UBE2O: variants seen among roughly 807,000 people sequenced by gnomAD.
UBE2O encodes ubiquitin conjugating enzyme E2 O.
Under a neutral mutation model 125.8 loss-of-function variants are expected in UBE2O, and 15 were observed. The observed-to-expected ratio is 0.12, with a 90% CI of 0.08 to 0.18. The LOEUF (loss-of-function observed/expected upper bound fraction) is 0.18. UBE2O is among the 10% of genes least tolerant of loss of function. UBE2O has a pLI of 1.00. For synonymous variants in UBE2O, 708 were observed against 703.2 expected, an observed-to-expected ratio of 1.01 and a Z score of -0.11; for missense variants, 1,280 against 1,723.6, an observed-to-expected ratio of 0.74 and a Z score of 4.56.
chr17:76,399,523 C>G lies in UBE2O; in HGVS notation c.1554G>C (p.Leu518Phe). The G allele has an allele frequency of 1.9e-5, 30 of 1,614,176 alleles. No individual in the cohort carries two copies. Among genetic ancestry groups the G allele is most frequent in the Non-Finnish European group, 2.5e-5 (30 of 1,180,046 alleles). ...SGTSRKKSIP[L>F]SIKNLKRKHK... ...GTTTGCGCTTTAAGTTCTTGATGGACAAGGGGATGCTCTTTTTGCGACTCG... is the reference window on the plus strand; with the variant it reads ...GTTTGCGCTTTAAGTTCTTGATGGAGAAGGGGATGCTCTTTTTGCGACTCG... The change falls in exon 9 of 18, where the codon TTG (leucine) becomes TTC (phenylalanine). Residue 518 changes from leucine to phenylalanine, a missense_variant. Coordinates refer to ENST00000319380, the MANE Select transcript of UBE2O (RefSeq NM_022066.4). This position sits in a 1 kb window ranked among gnomAD's most constrained non-coding sequence, Gnocchi z 6.9.
intron 1 of UBE2O, among the ~76,000 whole-genome samples, chr17:76,437,225 C>T (rs569233856): frequency 5.3e-5 from 8 of 150,748 alleles, no homozygotes; most frequent in Admixed American, 1.3e-4. Context: ...CCAAGGCAGG[C>T]GGATCACGAG....
intron 1 of UBE2O, among the ~76,000 whole-genome samples, chr17:76,429,702 G>A (rs923322156): frequency 7.2e-5 from 11 of 152,158 alleles, no homozygotes; most frequent in African/African-American, 2.7e-4. Flanking sequence ...GGCAATGGCA[G>A]GTCTTGTTGC....
rs761279677 is a variant in UBE2O, at chr17:76,391,178, T to G, written c.3644A>C (p.His1215Pro). The G allele has an allele frequency of 1.4e-5, 23 of 1,613,236 alleles. No homozygotes were observed. The South Asian group carries it at 2.2e-4, about 15-fold the overall frequency. ...TGCGGTCTCCGAAGTCTGGTCTGTG[T>G]GGTCCCTGCTAGCTGAGGCCAGGCC... Reference protein sequence around the residue: ...AQGLASASRDHTDQTSETAPD... With the variant: ...AQGLASASRDPTDQTSETAPD... The change falls in exon 18 of 18, where the codon CAC becomes CCC. Residue 1215 changes from histidine (H) to proline (P), a missense_variant. Physicochemically the swap from His to Pro is moderately conservative, Grantham distance 77. Coordinates refer to ENST00000319380, the MANE Select transcript of UBE2O (RefSeq NM_022066.4). The surrounding 1 kb of genome is among the most constrained non-coding windows in gnomAD (Gnocchi z 8.4).
Position 76,402,504 on chromosome 17 carries a change from C to T in UBE2O, c.686+98G>A. ...CATCTGTCACTGCCCTTGATCAAACCTGTCATCACTGTCCCCAGGAGGAAA... is the reference window on the plus strand; with the variant it reads ...CATCTGTCACTGCCCTTGATCAAACTTGTCATCACTGTCCCCAGGAGGAAA... On this transcript the variant is annotated intron_variant, in intron 4 of 17. Transcript: ENST00000319380. This position sits in a 1 kb window ranked among gnomAD's most constrained non-coding sequence, Gnocchi z 5.4. The T allele has an allele frequency of 9.6e-7, 1 of 1,045,550 alleles. No individual in the cohort carries two copies. The allele number at this position is 1,045,550 out of a possible 1,614,324, so 64.8% of individuals were successfully genotyped here. A position where few individuals can be genotyped will look rare whatever the true frequency, so the allele number is the denominator to read the frequency against.
At chr17:76,418,150 T>TA (rs1795133165) in intron 1 of UBE2O, among the ~76,000 whole-genome samples, 1 of 152,144 alleles carries the variant, frequency 6.6e-6, no homozygotes, top group African/African-American at 2.4e-5. Flanking sequence ...GAAGAAGGGA[T>TA]AATAGAGAAC....
At chr17:76,438,236 T>C (rs2143878672) in intron 1 of UBE2O, among the ~76,000 whole-genome samples, 1 of 152,274 alleles carries the variant, frequency 6.6e-6, no homozygotes, top group African/African-American at 2.4e-5. Flanking sequence ...TGGGGAATGA[T>C]GAAAAGTTCT....
In UBE2O at chr17:76,398,682, C is replaced by A. The variant is rs989928278; in HGVS notation, c.1784-98G>T. On this transcript the variant is annotated intron_variant, in intron 10 of 17. Coordinates refer to ENST00000319380, the MANE Select transcript of UBE2O (RefSeq NM_022066.4). The surrounding 1 kb of genome is among the most constrained non-coding windows in gnomAD (Gnocchi z 5.4). ...AGAGTGCAGAACCCTGACCTTCCCC[C>A]GTCTTGGAAGTGGTGAGACCCCTTC... 5 of 1,474,462 alleles carry A rather than the reference C, an allele frequency of 3.4e-6. No individual in the cohort carries two copies. Among genetic ancestry groups the A allele is most frequent in the Non-Finnish European group, 4.7e-6 (5 of 1,070,196 alleles). The allele number at this position is 1,474,462 out of a possible 1,614,324, so 91.3% of individuals were successfully genotyped here. A position where few individuals can be genotyped will look rare whatever the true frequency, so the allele number is the denominator to read the frequency against.
intron 1 of UBE2O, among the ~76,000 whole-genome samples, chr17:76,423,729 A>AAATAAAT (rs1567847288): frequency 7.2e-5 from 4 of 55,408 alleles, no homozygotes; most frequent in African/African-American, 1.4e-4. Context: ...AATAAATAAA[A>AAATAAAT]AATAAGGTCA....
chr17:76,442,879 G>T (rs2073096257), intron 1 of UBE2O, among the ~76,000 whole-genome samples: 1 of 152,186 alleles, frequency 6.6e-6, no homozygotes, highest in East Asian at 1.9e-4. Context: ...CAGGCATGAG[G>T]CAAGCAGAGA....
At chr17:76,449,472 G>C (rs1314762958) in intron 1 of UBE2O, among the ~76,000 whole-genome samples, 1 of 152,234 alleles carries the variant, frequency 6.6e-6, no homozygotes, top group Non-Finnish European at 1.5e-5. Context: ...CTATGCGGGA[G>C]GCTGAGGCAC....
At position 76,391,964 on chromosome 17, in the gene UBE2O, G is replaced by A. The variant is rs749257345; in HGVS notation, c.3096C>T (p.Asn1032=). The part of the protein sequence containing the change: ...LSQCSGRLNP[N]LYDNGKVCVS... Reference sequence around the variant, plus strand: ...CACACACCTTCCCATTGTCATACAGGTTGGGGTTCAGGCGGCCACTGCATT... The same window carrying A: ...CACACACCTTCCCATTGTCATACAGATTGGGGTTCAGGCGGCCACTGCATT... The change falls in exon 16 of 18, where the codon AAC becomes AAT. Residue 1032 remains asparagine (N), a synonymous_variant. Transcript: ENST00000319380. This position sits in a 1 kb window ranked among gnomAD's most constrained non-coding sequence, Gnocchi z 8.4. 2.5e-6 allele frequency: 4 copies of A among 1,610,314 alleles called. No homozygotes were observed. The highest frequency in any genetic ancestry group is 1.7e-4 in the Middle Eastern group (1 of 6,034).
At chr17:76,443,605 TTTTAA>T (rs1179806861) in intron 1 of UBE2O, among the ~76,000 whole-genome samples, 1 of 152,082 alleles carries the variant, frequency 6.6e-6, no homozygotes, top group East Asian at 1.9e-4. Flanking sequence ...TTTTTTTTTT[TTTTAA>T]GTCCACAGAC....
chr17:76,447,109 T>C (rs1017338532), intron 1 of UBE2O, among the ~76,000 whole-genome samples: 1 of 152,178 alleles, frequency 6.6e-6, no homozygotes. Flanking sequence ...TACCTCCTAT[T>C]ACACTAAGAC....
intron 1 of UBE2O, among the ~76,000 whole-genome samples, chr17:76,444,444 G>C (rs2073123820): frequency 6.6e-6 from 1 of 152,086 alleles, no homozygotes; most frequent in African/African-American, 2.4e-5. Flanking sequence ...GGCTGAGGTG[G>C]GAGCACTGCT....
At chr17:76,411,098 A>G (rs550718952) in intron 1 of UBE2O, among the ~76,000 whole-genome samples, 1 of 152,294 alleles carries the variant, frequency 6.6e-6, no homozygotes, top group East Asian at 1.9e-4. Context: ...GAGTGCAATC[A>G]TGGCTCCATC....
chr17:76,414,678 G>C (rs1224450966), intron 1 of UBE2O, among the ~76,000 whole-genome samples: 1 of 152,264 alleles, frequency 6.6e-6, no homozygotes, highest in Non-Finnish European at 1.5e-5. Context: ...CTGCCCGAGG[G>C]ACAGAGAAAG....
intron 15 of UBE2O, among the ~76,000 whole-genome samples, chr17:76,394,625 TA>T (rs1200729574): frequency 6.6e-6 from 1 of 152,196 alleles, no homozygotes; most frequent in Non-Finnish European, 1.5e-5. Context: ...CATGAAAATG[TA>T]AAAATATTTT....
chr17:76,431,623 G>GA (rs919077726), intron 1 of UBE2O, among the ~76,000 whole-genome samples: 123 of 144,580 alleles, frequency 8.5e-4, no homozygotes, highest in African/African-American at 2.9e-3. Context: ...GCTATTCTGA[G>GA]ATGTGAAATA....
At position 76,399,568 on chromosome 17, in the gene UBE2O, G is replaced by C. The variant is rs1370382017; in HGVS notation, c.1509C>G (p.Ser503=). Residue 503 remains serine, a synonymous_variant, in exon 9 of 18, where the codon TCC becomes TCG. Transcript: ENST00000319380. This position sits in a 1 kb window ranked among gnomAD's most constrained non-coding sequence, Gnocchi z 6.9. The part of the protein sequence containing the change: ...SVTSSASSTT[S]SQSGSGTSRK... The stretch of plus-strand genomic sequence containing the variant: ...GACTCGTGCCGCTGCCGCTCTGGGA[G>C]GAAGTGGTGGAGCTGGCAGAGGAGG... 1 of 1,614,242 alleles carries C rather than the reference G, an allele frequency of 6.2e-7. No individual in the cohort carries two copies. Among genetic ancestry groups the C allele is most frequent in the Non-Finnish European group, 8.5e-7 (1 of 1,180,046 alleles).
Sources: gnomAD v4.1 joint callset for allele counts (sites outside exome capture counted in the v4.1 genomes callset) on GRCh38, gnomAD v4.1.1 for gene constraint, Gnocchi (gnomAD v3.1) non-coding constraint, MANE v1.5 for transcripts, NCBI Gene and HGNC (gene_info 2026-07-23, HGNC 2026-07-21) for gene names.